The following ANKRD28 variants were observed in gnomAD, a reference collection of about 807,000 sequenced individuals.
The protein encoded by ANKRD28 is ankyrin repeat domain 28.
ANKRD28 carries 44 observed loss-of-function variants against 126.5 expected under a neutral mutation model. The ratio of observed to expected loss-of-function variants is 0.35; its 90% CI spans 0.27 to 0.45. The LOEUF is 0.45. Among genes scored for constraint, ANKRD28 ranks in the 20% least tolerant of loss-of-function variants. ANKRD28 has a pLI of 1.00. For synonymous variants in ANKRD28, 442 were observed against 468.5 expected, an observed-to-expected ratio of 0.94 and a Z score of 0.73; for missense variants, 1,110 against 1,316.6, an observed-to-expected ratio of 0.84 and a Z score of 2.43.
chr3:15,787,372 T>A (rs139302653), intron 2 of ANKRD28, among the ~76,000 whole-genome samples: 1 of 152,122 alleles, frequency 6.6e-6, no homozygotes, highest in Admixed American at 6.6e-5. Context: ...AACCTCAACA[T>A]TGACGAAGAT....
At chr3:15,787,965 T>C (rs1206574127) in intron 2 of ANKRD28, among the ~76,000 whole-genome samples, 1 of 152,172 alleles carries the variant, frequency 6.6e-6, no homozygotes, top group Non-Finnish European at 1.5e-5. Context: ...ATATACAAGG[T>C]AACACTTTCA....
intron 4 of ANKRD28, among the ~76,000 whole-genome samples, chr3:15,747,551 G>C (rs2057559630): frequency 6.6e-6 from 1 of 152,146 alleles, no homozygotes; most frequent in Non-Finnish European, 1.5e-5. Context: ...ACTGTGGTCT[G>C]AGAGAGTACT....
intron 1 of ANKRD28, among the ~76,000 whole-genome samples, chr3:15,809,211 A>C (rs1365912605): frequency 1.6e-4 from 25 of 152,190 alleles, no homozygotes; most frequent in Admixed American, 1.5e-3. Context: ...TGCATTTTAC[A>C]TAAAGTTTTC....
chr3:15,703,412 G>C (rs1259500154), intron 14 of ANKRD28, among the ~76,000 whole-genome samples: 1 of 152,156 alleles, frequency 6.6e-6, no homozygotes, highest in Non-Finnish European at 1.5e-5. Flanking sequence ...TAGGAGGTGG[G>C]GCCTTTAGGA....
intron 22 of ANKRD28, 41 bp from the exon 23 acceptor site, chr3:15,679,425 G>T (rs1256380768): frequency 6.2e-7 from 1 of 1,612,398 alleles, no homozygotes; most frequent in Non-Finnish European, 8.5e-7. Context: ...CAGCAATGGT[G>T]TATTTCTTAA....
chr3:15,813,370 GA>G (rs1334745411), intron 1 of ANKRD28, among the ~76,000 whole-genome samples: 5 of 151,680 alleles, frequency 3.3e-5, no homozygotes, highest in Non-Finnish European at 7.4e-5. Flanking sequence ...TGTTGCAAAG[GA>G]AAAAACAAAA....
rs771789757 is a variant in ANKRD28 at position 15,720,985 on chromosome 3, G to A, written c.926C>T (p.Ala309Val). The A allele has an allele frequency of 1.9e-6, 3 of 1,613,902 alleles. No individual in the cohort carries two copies. Among genetic ancestry groups the A allele is most frequent in the Non-Finnish European group, 2.5e-6 (3 of 1,179,846 alleles). The change falls in exon 8 of 28, where the codon GCT becomes GTT. Residue 309 changes from alanine to valine, a missense_variant. Physicochemically the swap from Ala to Val is moderately conservative, Grantham distance 64 (BLOSUM62 0). Transcript: ENST00000683139. ...CAATGCTCCATGTGTTGATGCAGCA[G>A]CAAAGTGCAAAGGAGTAAATCCTTT... Reference protein sequence around the residue: ...NEKGFTPLHFAAASTHGALCL... With the variant: ...NEKGFTPLHFVAASTHGALCL...
chr3:15,743,590 ACACG>A (rs770524218), intron 4 of ANKRD28, among the ~76,000 whole-genome samples: 15 of 146,296 alleles, frequency 1.0e-4, no homozygotes, highest in Middle Eastern at 3.5e-3. Flanking sequence ...ACACACACAC[ACACG>A]CACACCAAAA....
intron 1 of ANKRD28, among the ~76,000 whole-genome samples, chr3:15,828,259 C>T (rs9864353): frequency 0.72 from 109,914 of 151,990 alleles, 39,942 homozygotes; most frequent in East Asian, 0.93. Flanking sequence ...GAGGTCAAAA[C>T]AGGCGAATGA....
intron 2 of ANKRD28, among the ~76,000 whole-genome samples, chr3:15,775,712 C>T (rs756120493): frequency 6.6e-6 from 1 of 152,186 alleles, no homozygotes; most frequent in Non-Finnish European, 1.5e-5. Flanking sequence ...ACGTATAAGG[C>T]ACACAGCTTC....
At chr3:15,674,873 A>AC (rs1304589525) in intron 27 of ANKRD28, among the ~76,000 whole-genome samples, 2 of 152,232 alleles carry the variant, frequency 1.3e-5, no homozygotes, top group African/African-American at 2.4e-5. Context: ...AGAGCTAAGT[A>AC]GTAGTTAACA....
chr3:15,821,380 ACCTTTTAG>A (rs1366139699), intron 1 of ANKRD28, among the ~76,000 whole-genome samples: 2 of 152,226 alleles, frequency 1.3e-5, no homozygotes, highest in Non-Finnish European at 2.9e-5. Context: ...GAAAGGCTTA[ACCTTTTAG>A]AAAATGTAAA....
Position 15,821,022 on chromosome 3 carries a change from T to G in ANKRD28, c.28-25716A>C, listed in dbSNP as rs568075903. Reference sequence around the variant, plus strand: ...GGCACTACCAACATTTTAGGACATATAATTCTTTGTCATGGGGTCCACTCC... The same window carrying G: ...GGCACTACCAACATTTTAGGACATAGAATTCTTTGTCATGGGGTCCACTCC... On this transcript the variant is annotated intron_variant, in intron 1 of 27. Transcript: ENST00000399451. 9.9e-5 allele frequency among the ~76,000 whole-genome samples: 15 copies of G among 152,282 alleles called. No homozygotes were observed. In the South Asian group the frequency reaches 2.9e-3, roughly 29 times the overall value.
chr3:15,701,295 G>C (rs1381691095), intron 14 of ANKRD28, among the ~76,000 whole-genome samples: 1 of 152,098 alleles, frequency 6.6e-6, no homozygotes, highest in African/African-American at 2.4e-5. Flanking sequence ...ATCCATTTAA[G>C]TGCAATTTTG....
chr3:15,737,357 A>G (rs2075088026), intron 4 of ANKRD28, 124 bp from the exon 5 acceptor site: 2 of 828,814 alleles, frequency 2.4e-6, no homozygotes, highest in East Asian at 2.7e-5. Flanking sequence ...AAAAGCTCTC[A>G]TAGAACTCAC....
At chr3:15,810,175 C>A (rs2060682070) in intron 1 of ANKRD28, among the ~76,000 whole-genome samples, 1 of 151,774 alleles carries the variant, frequency 6.6e-6, no homozygotes, top group Admixed American at 6.6e-5. Context: ...TAAGGTGATA[C>A]TAAAGGCAGA....
At chr3:15,702,291 G>A (rs1478849827) in intron 14 of ANKRD28, among the ~76,000 whole-genome samples, 2 of 152,262 alleles carry the variant, frequency 1.3e-5, no homozygotes, top group East Asian at 3.9e-4. Context: ...TAACTAGGGT[G>A]CTTATAAAAT....
intron 1 of ANKRD28, among the ~76,000 whole-genome samples, chr3:15,824,750 C>T (rs913017542): frequency 1.3e-5 from 2 of 152,186 alleles, no homozygotes; most frequent in Admixed American, 1.3e-4. Context: ...TGCACATTTG[C>T]TATCAGGTAT....
intron 16 of ANKRD28, 105 bp downstream of exon 16, chr3:15,695,083 T>C (rs2069339423): frequency 1.1e-6 from 1 of 945,458 alleles, no homozygotes. Context: ...TTGTGCCTAA[T>C]ATGTAAAAAC....
Sources: allele counts gnomAD v4.1 joint callset (sites outside exome capture counted in the v4.1 genomes callset), GRCh38; gene constraint gnomAD v4.1.1; transcripts MANE v1.5; gene names NCBI Gene and HGNC (gene_info 2026-07-23, HGNC 2026-07-21).